The following EML5 variants were observed in gnomAD, a reference collection of about 807,000 sequenced individuals.
The protein encoded by EML5 is EMAP like 5.
EML5 carries 120 observed loss-of-function variants against 250.0 expected under a neutral mutation model. The ratio of observed to expected loss-of-function variants is 0.48; its 90% CI spans 0.41 to 0.56. The LOEUF (loss-of-function observed/expected upper bound fraction) is 0.56. Ranked by LOEUF, EML5 falls within the 20% of genes least tolerant of loss-of-function variation. The pLI is 0.00. For missense variants in EML5, 2,006 were observed against 2,437.6 expected (o/e 0.82, Z 3.73); for synonymous variants, 771 against 806.5 (o/e 0.96, Z 0.75).
chr14:88,752,035 T>G (rs1255030906), intron 2 of EML5, among the ~76,000 whole-genome samples: 1 of 152,182 alleles, frequency 6.6e-6, no homozygotes, highest in Non-Finnish European at 1.5e-5. Flanking sequence ...CTCAACACCT[T>G]TAGCTATTAT....
rs2087440106 is a variant in EML5 at position 88,615,394 on chromosome 14, T to A, written c.*424A>T. On this transcript the variant is annotated 3_prime_UTR_variant, in exon 44 of 44. Coordinates refer to ENST00000554922, the MANE Select transcript of EML5 (RefSeq NM_183387.3). ...TATGGAAATGCAAGAATAAAATATTTCATTAAACAATGAACCTTGAAAATA... is the reference window on the plus strand; with the variant it reads ...TATGGAAATGCAAGAATAAAATATTACATTAAACAATGAACCTTGAAAATA... The A allele has an allele frequency of 6.4e-6, 1 of 155,626 alleles. No individual in the cohort carries two copies. Among genetic ancestry groups the A allele is most frequent in the African/African-American group, 2.4e-5 (1 of 41,602 alleles). The allele number at this position is 155,626 out of a possible 1,614,324, so 9.6% of individuals were successfully genotyped here. A position where few individuals can be genotyped will look rare whatever the true frequency, so the allele number is the denominator to read the frequency against.
intron 1 of EML5, among the ~76,000 whole-genome samples, chr14:88,784,796 A>T (rs2076902107): frequency 6.6e-6 from 1 of 152,196 alleles, no homozygotes; most frequent in South Asian, 2.1e-4. Context: ...TTCCTCAAAA[A>T]ACTAAAAATA....
rs1197388829 is a variant in EML5 at position 88,627,817 on chromosome 14, T to C, written c.4360A>G (p.Thr1454Ala). ...TCCCAGATGTGAATAGAAGGAGCTG[T>C]AGCTAAATAAAGATAGTATCAAAAA... is the stretch of plus-strand genomic sequence containing the variant. ...QVGDSADMSA[T>A]APSIHIWDAM... Residue 1454 changes from threonine (T) to alanine (A), a missense_variant and splice_region_variant, in exon 34 of 44, where the codon ACA (threonine) becomes GCA (alanine). By Grantham distance (58) the Thr-to-Ala change is moderately conservative. Transcript: ENST00000554922. 6.3e-7 allele frequency: 1 copy of C among 1,583,884 alleles called. No individual in the cohort carries two copies. The highest frequency in any genetic ancestry group is 8.6e-7 in the Non-Finnish European group (1 of 1,166,644).
chr14:88,749,130 A>G (rs1338665916), intron 2 of EML5, among the ~76,000 whole-genome samples: 2 of 152,168 alleles, frequency 1.3e-5, no homozygotes, highest in African/African-American at 4.8e-5. Context: ...CACAAGACAC[A>G]TGGCAAACAA....
chr14:88,697,575 A>C lies in EML5; in HGVS notation c.2239-623T>G, dbSNP rs2093108222. 2.6e-5 allele frequency among the ~76,000 whole-genome samples: 4 copies of C among 152,210 alleles called. No homozygotes were observed. The South Asian group carries it at 8.3e-4, about 32-fold the overall frequency. ...TTAACTTGGTTTATGATGTTCACTA[A>C]TGCACAGGTAAACTATCAATTCTTA... On this transcript the variant is annotated intron_variant, in intron 14 of 43. Coordinates refer to ENST00000554922, the MANE Select transcript of EML5 (RefSeq NM_183387.3).
chr14:88,646,990 C>T (rs754539725), intron 28 of EML5, 35 bp from the exon 29 acceptor site: 2 of 1,584,250 alleles, frequency 1.3e-6, no homozygotes, highest in East Asian at 2.2e-5. Flanking sequence ...AAAAAGATTA[C>T]AACATAAATT....
intron 1 of EML5, among the ~76,000 whole-genome samples, chr14:88,761,421 A>T (rs1247167215): frequency 6.6e-6 from 1 of 151,432 alleles, no homozygotes; most frequent in African/African-American, 2.4e-5. Flanking sequence ...TCATTGTTCA[A>T]CTCCCACTTA....
intron 27 of EML5, among the ~76,000 whole-genome samples, chr14:88,652,839 C>T (rs1294818915): frequency 1.3e-5 from 2 of 152,148 alleles, no homozygotes; most frequent in Admixed American, 1.3e-4. Flanking sequence ...CTTAATCTGT[C>T]ATCTAGCTCA....
At chr14:88,719,611 G>A (rs2093558096) in intron 8 of EML5, among the ~76,000 whole-genome samples, 1 of 151,766 alleles carries the variant, frequency 6.6e-6, no homozygotes. Context: ...AGTTCCATAT[G>A]TGTATATATA....
At position 88,792,380 on chromosome 14, in the gene EML5, C is replaced by G; in HGVS notation, c.124G>C (p.Gly42Arg). Residue 42 changes from glycine (G) to arginine (R), a missense_variant, in exon 1 of 44, where the codon GGG (glycine) becomes CGG (arginine). By Grantham distance (125) the Gly-to-Arg change is moderately radical. Transcript: ENST00000554922. This position sits in a 1 kb window ranked among gnomAD's most constrained non-coding sequence, Gnocchi z 6.9. ...AAKEIVYFVA[G>R]VGVVYSPREH... is the part of the protein sequence containing the mutation. The stretch of plus-strand genomic sequence containing the variant: ...CGCGGGCTGTACACCACGCCGACCC[C>G]CGCCACGAAGTATACGATCTCCTTG... 1 of 1,572,338 alleles carries G rather than the reference C, an allele frequency of 6.4e-7. No individual in the cohort carries two copies.
At position 88,624,982 on chromosome 14, in the gene EML5, C is replaced by G. The variant is rs879808823; in HGVS notation, c.4886G>C (p.Gly1629Ala). The G allele has an allele frequency of 6.2e-7, 1 of 1,613,310 alleles. No individual in the cohort carries two copies. Among genetic ancestry groups the G allele is most frequent in the Non-Finnish European group, 8.5e-7 (1 of 1,179,578 alleles). ...AAAGAGGACTCACGGCCTTTCCTTT[C>G]CCCCAGTCACGATAAGTCCATCTCG... ...TLRDGLIVTG[G>A]KERPSKEGGA... The change falls in exon 36 of 44, where the codon GGA (glycine) becomes GCA (alanine). Residue 1629 changes from glycine (G) to alanine (A), a missense_variant. Gly to Ala is a moderately conservative substitution (Grantham distance 60). Coordinates refer to ENST00000554922, the MANE Select transcript of EML5 (RefSeq NM_183387.3).
intron 2 of EML5, among the ~76,000 whole-genome samples, chr14:88,753,853 A>T (rs1021333034): frequency 3.9e-5 from 6 of 152,168 alleles, no homozygotes; most frequent in African/African-American, 1.4e-4. Flanking sequence ...ATTGAAATAC[A>T]GGCTGGGTGC....
rs1278026897 is a variant in EML5 at position 88,665,174 on chromosome 14, G to C, written c.3277+163C>G. ...AGAATTGGCGCTAAGACAGATATTTGCACCAATCTAACAACAGGGCTTTTA... is the reference window on the plus strand; with the variant it reads ...AGAATTGGCGCTAAGACAGATATTTCCACCAATCTAACAACAGGGCTTTTA... On this transcript the variant is annotated intron_variant, in intron 22 of 43. Coordinates refer to ENST00000554922, the MANE Select transcript of EML5 (RefSeq NM_183387.3). Among the ~76,000 whole-genome samples, 6 of 152,136 alleles carry C rather than the reference G, an allele frequency of 3.9e-5. No homozygotes were observed. In the East Asian group the frequency reaches 9.6e-4, roughly 24 times the overall value.
At chr14:88,738,782 T>C in intron 6 of EML5, 97 bp downstream of exon 6, 1 of 1,375,920 alleles carries the variant, frequency 7.3e-7, no homozygotes, top group Admixed American at 2.9e-5. Context: ...GTCTTATTTA[T>C]ATTTACAAAA....
chr14:88,662,866 T>G (rs914331701), intron 24 of EML5, among the ~76,000 whole-genome samples, 165 bp downstream of exon 24: 1 of 152,102 alleles, frequency 6.6e-6, no homozygotes, highest in African/African-American at 2.4e-5. Context: ...AATATAGTGT[T>G]TCTTCCTTCA....
At chr14:88,762,797 T>A (rs1054960692) in intron 1 of EML5, among the ~76,000 whole-genome samples, 2 of 152,130 alleles carry the variant, frequency 1.3e-5, no homozygotes, top group African/African-American at 4.8e-5. Flanking sequence ...AGAATGGAAA[T>A]CATAACAAAC....
chr14:88,683,629 T>G (rs1472881157), intron 20 of EML5, among the ~76,000 whole-genome samples: 1 of 152,014 alleles, frequency 6.6e-6, no homozygotes, highest in Non-Finnish European at 1.5e-5. Context: ...ACATTACATA[T>G]CACAACCAAG....
At chr14:88,703,135 C>A (rs2093248800) in intron 13 of EML5, among the ~76,000 whole-genome samples, 1 of 151,878 alleles carries the variant, frequency 6.6e-6, no homozygotes, top group Non-Finnish European at 1.5e-5. Flanking sequence ...AGCTATAATA[C>A]TGAGTGAAAA....
intron 3 of EML5, among the ~76,000 whole-genome samples, 178 bp downstream of exon 3, chr14:88,746,007 A>T (rs1195020739): frequency 2.0e-5 from 3 of 152,204 alleles, no homozygotes; most frequent in Non-Finnish European, 2.9e-5. Context: ...CCTACAATAC[A>T]TATGTACTCT....
Sources: allele counts gnomAD v4.1 joint callset (sites outside exome capture counted in the v4.1 genomes callset), GRCh38; gene constraint gnomAD v4.1.1; non-coding constraint Gnocchi (gnomAD v3.1); transcripts MANE v1.5; gene names NCBI Gene and HGNC (gene_info 2026-07-23, HGNC 2026-07-21).